The following ACCSL variants were observed in gnomAD, a reference collection of about 807,000 sequenced individuals.
ACCSL encodes the protein probable inactive 1-aminocyclopropane-1-carboxylate synthase-like protein 2.
A neutral mutation model predicts 61.7 loss-of-function variants in ACCSL; 55 were observed. The observed-to-expected ratio is 0.89, with a 90% CI of 0.72 to 1.12. The LOEUF (loss-of-function observed/expected upper bound fraction) is 1.12. ACCSL is among the 50% of genes most tolerant of loss of function. The pLI, the probability that ACCSL is intolerant of heterozygous loss-of-function variation, is 0.00. For synonymous variants in ACCSL, 258 were observed against 264.3 expected (o/e 0.98, Z 0.23); for missense variants, 632 against 698.0 (o/e 0.91, Z 1.07).
the ACCSL span, among the ~76,000 whole-genome samples, chr11:43,978,010 T>A: frequency 1.4e-5 from 2 of 143,940 alleles, no homozygotes; most frequent in Admixed American, 1.4e-4. Context: ...GCTCTTTTTT[T>A]TTTTTTTTTT....
chr11:43,956,708 T>G, the ACCSL span, among the ~76,000 whole-genome samples: 1 of 152,002 alleles, frequency 6.6e-6, no homozygotes, highest in Admixed American at 6.5e-5. Flanking sequence ...TGTGAGCCAC[T>G]GCACCCAGCC....
At chr11:44,000,905 C>T in the ACCSL span, among the ~76,000 whole-genome samples, 6 of 152,140 alleles carry the variant, frequency 3.9e-5, no homozygotes, top group Non-Finnish European at 8.8e-5. Flanking sequence ...TGAGAGACAA[C>T]TATGCTATAA....
chr11:43,942,291 C>G, the ACCSL span: 1 of 167,488 alleles, frequency 6.0e-6, no homozygotes, highest in Admixed American at 6.5e-5. Flanking sequence ...GACCTGCGGC[C>G]CCGCGGCCAA....
rs765535981 is a variant in ACCSL, at chr11:44,058,312, T to C, written c.1328-5T>C. The C allele has an allele frequency of 1.2e-6, 2 of 1,613,990 alleles. No individual in the cohort carries two copies. Among genetic ancestry groups the C allele is most frequent in the Admixed American group, 1.7e-5 (1 of 60,000 alleles). Reference sequence around the variant, plus strand: ...TGTGACAGTGTTTTTCCTCTACCCATCCAGAATGGATTGACAAAGTATACC... The same window carrying C: ...TGTGACAGTGTTTTTCCTCTACCCACCCAGAATGGATTGACAAAGTATACC... On this transcript the variant is annotated splice_polypyrimidine_tract_variant and splice_region_variant and intron_variant, in intron 11 of 13. Coordinates refer to ENST00000378832, the MANE Select transcript of ACCSL (RefSeq NM_001031854.2).
chr11:44,048,218 C>G lies in ACCSL; in HGVS notation c.182C>G (p.Thr61Ser), dbSNP rs758137938. ...CTGTCGCTGGAGGAAAGGAGGCACA[C>G]TGAGGCCATCTGTGAGCATGAAGCC... The part of the protein sequence containing the change: ...QGLSLEERRH[T>S]EAICEHEALL... Residue 61 changes from threonine (T) to serine (S), a missense_variant, in exon 1 of 14, where the codon ACT becomes AGT. By Grantham distance (58) the Thr-to-Ser change is moderately conservative. Coordinates refer to ENST00000378832, the MANE Select transcript of ACCSL (RefSeq NM_001031854.2). 7 of 1,614,088 alleles carry G rather than the reference C, an allele frequency of 4.3e-6. No individual in the cohort carries two copies. In the African/African-American group the frequency reaches 5.3e-5, roughly 12 times the overall value.
the ACCSL span, among the ~76,000 whole-genome samples, chr11:43,955,162 T>C: frequency 1.3e-5 from 2 of 152,202 alleles, no homozygotes; most frequent in African/African-American, 4.8e-5. Flanking sequence ...TGAAGACTGC[T>C]AATGGTCCAC....
chr11:44,023,088 C>T, the ACCSL span, among the ~76,000 whole-genome samples: 1 of 136,878 alleles, frequency 7.3e-6, no homozygotes, highest in Non-Finnish European at 1.5e-5. Context: ...CTCTCGTTGG[C>T]CAGGCTGGAG....
chr11:44,029,059 T>C, the ACCSL span, among the ~76,000 whole-genome samples: 5 of 152,246 alleles, frequency 3.3e-5, no homozygotes, highest in Admixed American at 1.3e-4. Flanking sequence ...CCTGGGGCTA[T>C]TATGATGTCC....
At chr11:43,995,403 G>GAC in the ACCSL span, 1 of 152,220 alleles carries the variant, frequency 6.6e-6, no homozygotes, top group African/African-American at 2.4e-5. Context: ...GCACATGGAG[G>GAC]ACACACATGA....
the ACCSL span, among the ~76,000 whole-genome samples, chr11:43,934,484 A>G: frequency 6.6e-6 from 1 of 152,120 alleles, no homozygotes; most frequent in African/African-American, 2.4e-5. Context: ...ACGCGCACAC[A>G]CATGCGCACA....
chr11:43,971,381 A>T, the ACCSL span: 1 of 152,320 alleles, frequency 6.6e-6, no homozygotes, highest in East Asian at 1.9e-4. Flanking sequence ...TAAAACTTTT[A>T]CATGTATTAA....
the ACCSL span, among the ~76,000 whole-genome samples, chr11:44,001,584 C>T: frequency 6.6e-6 from 1 of 151,862 alleles, no homozygotes; most frequent in Admixed American, 6.6e-5. Context: ...TCGGCGTGTC[C>T]ATCTGTTAAA....
At chr11:44,009,380 A>G in the ACCSL span, among the ~76,000 whole-genome samples, 2 of 152,176 alleles carry the variant, frequency 1.3e-5, no homozygotes, top group Non-Finnish European at 2.9e-5. Flanking sequence ...GGCCTAGCCT[A>G]GGATTTGTAG....
At chr11:43,946,829 G>A in the ACCSL span, among the ~76,000 whole-genome samples, 1 of 152,236 alleles carries the variant, frequency 6.6e-6, no homozygotes, top group East Asian at 1.9e-4. Context: ...GGCAGAGGGA[G>A]GGAGTTTGGG....
chr11:43,997,681 C>G, the ACCSL span, among the ~76,000 whole-genome samples: 1 of 152,154 alleles, frequency 6.6e-6, no homozygotes, highest in African/African-American at 2.4e-5. Flanking sequence ...TTTCCTTTTG[C>G]CAATGCATCG....
chr11:44,005,484 T>C, the ACCSL span, among the ~76,000 whole-genome samples: 1 of 152,152 alleles, frequency 6.6e-6, no homozygotes, highest in Non-Finnish European at 1.5e-5. Context: ...ACTCAGGGGC[T>C]CTGGGTGGCA....
chr11:44,054,674 C>T (rs1016335241), intron 8 of ACCSL, among the ~76,000 whole-genome samples: 1 of 152,106 alleles, frequency 6.6e-6, no homozygotes, highest in Non-Finnish European at 1.5e-5. Context: ...CCAGGCTGGT[C>T]TTGAACTCCT....
the ACCSL span, among the ~76,000 whole-genome samples, chr11:44,042,452 C>T: frequency 6.6e-6 from 1 of 151,914 alleles, no homozygotes; most frequent in Non-Finnish European, 1.5e-5. Context: ...GTCTTTAGTC[C>T]TTATTTCTGT....
upstream of ACCSL, among the ~76,000 whole-genome samples, chr11:44,044,647 G>C (rs1952589022): frequency 6.6e-6 from 1 of 152,112 alleles, no homozygotes; most frequent in South Asian, 2.1e-4. Flanking sequence ...AAGAAGGAAG[G>C]CTGGAAGAGT....
Sources: gnomAD v4.1 joint callset for allele counts (sites outside exome capture counted in the v4.1 genomes callset) on GRCh38, gnomAD v4.1.1 for gene constraint, MANE v1.5 for transcripts, NCBI Gene and HGNC (gene_info 2026-07-23, HGNC 2026-07-21) for gene names.